The following ADGRV1 variants were observed in gnomAD, a reference collection of about 807,000 sequenced individuals.
ADGRV1 encodes the protein adhesion G protein-coupled receptor V1.
ADGRV1 carries 359 observed loss-of-function variants against 596.2 expected under a neutral mutation model. The observed-to-expected ratio is 0.60, with a 90% confidence interval of 0.55 to 0.66. The LOEUF (loss-of-function observed/expected upper bound fraction) is 0.66, where lower values mean the gene tolerates loss of function less well. Among genes scored for constraint, ADGRV1 ranks in the 30% least tolerant of loss-of-function variants. ADGRV1 has a pLI of 0.00. For missense variants in ADGRV1, 7,274 were observed against 7,575.6 expected (o/e 0.96, Z 1.48); for synonymous variants, 2,681 against 2,679.2 (o/e 1.00, Z -0.02).
chr5:90,902,996 G>A (rs1771989840), intron 83 of ADGRV1, among the ~76,000 whole-genome samples: 1 of 152,076 alleles, frequency 6.6e-6, no homozygotes. Context: ...GACATCTTAT[G>A]GTAGTAATCT....
Position 90,684,016 on chromosome 5 carries a change from C to T in ADGRV1, c.6095C>T (p.Ala2032Val), listed in dbSNP as rs142013761. 5.4e-4 allele frequency: 874 copies of T among 1,613,824 alleles called. 3 individuals carry two copies. In the African/African-American group the frequency reaches 9.9e-3, roughly 18 times the overall value. Residue 2032 changes from alanine (A) to valine (V), a missense_variant, in exon 28 of 90, where the codon GCG (alanine) becomes GTG (valine). Ala to Val is a moderately conservative substitution (Grantham distance 64). This residue lies in a region of ADGRV1 where 3,643 missense variants were observed against 3,809.2 expected (regional missense o/e 0.96). Coordinates refer to ENST00000405460, the MANE Select transcript of ADGRV1 (RefSeq NM_032119.4). ...EKPPYFPPNL[A>V]RATQGRDYIP... ...CCACCTTATTTTCCACCTAATTTAG[C>T]GAGAGCAACTCAAGGAAGAGACTAT... is the stretch of plus-strand genomic sequence containing the variant.
intron 83 of ADGRV1, among the ~76,000 whole-genome samples, chr5:90,962,051 T>C (rs1778081650): frequency 6.6e-6 from 1 of 152,308 alleles, no homozygotes; most frequent in African/African-American, 2.4e-5. Flanking sequence ...AGAATGCTGC[T>C]CCTGCAAATC....
intron 85 of ADGRV1, among the ~76,000 whole-genome samples, chr5:91,036,588 T>G (rs1784935833): frequency 6.7e-6 from 1 of 148,588 alleles, no homozygotes; most frequent in African/African-American, 2.5e-5. Flanking sequence ...CGGCCAGGCC[T>G]GCGGGTGAGC....
intron 87 of ADGRV1, 46 bp from the exon 88 acceptor site, chr5:91,149,984 G>A (rs1289779229): frequency 4.1e-6 from 6 of 1,449,298 alleles, no homozygotes; most frequent in Admixed American, 2.3e-5. Flanking sequence ...ACATGCTGAT[G>A]TTCTTTTTCT....
chr5:91,044,829 C>T (rs1279567482), intron 85 of ADGRV1, among the ~76,000 whole-genome samples: 1 of 152,092 alleles, frequency 6.6e-6, no homozygotes, highest in East Asian at 1.9e-4. Flanking sequence ...TACAAAAATG[C>T]ATAAAGTTCT....
At position 90,707,985 on chromosome 5, in the gene ADGRV1, A is replaced by G. The variant is rs113284328; in HGVS notation, c.8731-831A>G. On this transcript the variant is annotated intron_variant, in intron 38 of 89. Coordinates refer to ENST00000405460, the MANE Select transcript of ADGRV1 (RefSeq NM_032119.4). ...CCTTGTAACTCATGTTGGTCCATAT[A>G]TTACATAAGACAATCTAGAGACCAT... Among the ~76,000 whole-genome samples, 26 of 152,250 alleles carry G rather than the reference A, an allele frequency of 1.7e-4. 1 individual carries two copies. Among genetic ancestry groups the G allele is most frequent in the African/African-American group, 5.8e-4 (24 of 41,550 alleles).
chr5:91,119,087 A>C (rs1793089219), intron 87 of ADGRV1, among the ~76,000 whole-genome samples: 1 of 152,214 alleles, frequency 6.6e-6, no homozygotes, highest in Non-Finnish European at 1.5e-5. Flanking sequence ...CCTTTAGCAT[A>C]CAAGGACTCA....
chr5:91,063,509 A>G lies in ADGRV1; in HGVS notation c.18153-8938A>G, dbSNP rs1360404295. ...ATCGTTTAAATTGTCAAATCCTAGA[A>G]CATGAAGCATTCCTACGCATGATGT... On this transcript the variant is annotated intron_variant, in intron 85 of 89. Coordinates refer to ENST00000405460, the MANE Select transcript of ADGRV1 (RefSeq NM_032119.4). Among the ~76,000 whole-genome samples, 3 of 152,190 alleles carry G rather than the reference A, an allele frequency of 2.0e-5. No homozygotes were observed. The East Asian group carries it at 5.8e-4, about 29-fold the overall frequency.
intron 1 of ADGRV1, among the ~76,000 whole-genome samples, chr5:90,595,817 G>T (rs1760403646): frequency 6.8e-6 from 1 of 147,504 alleles, no homozygotes; most frequent in Non-Finnish European, 1.5e-5. Flanking sequence ...TCCCGGACGG[G>T]GCAGCTGGCC....
In ADGRV1 at chr5:90,685,771, G is replaced by T. The variant is rs1206365367; in HGVS notation, c.6275-9G>T. On this transcript the variant is annotated splice_polypyrimidine_tract_variant and intron_variant, in intron 28 of 89. Coordinates refer to ENST00000405460, the MANE Select transcript of ADGRV1 (RefSeq NM_032119.4). ...TTTCTGTGTTCTGTGTGGATCTTCTGTCTTTCAGTTCCAAATTCTCCACGT... is the reference window on the plus strand; with the variant it reads ...TTTCTGTGTTCTGTGTGGATCTTCTTTCTTTCAGTTCCAAATTCTCCACGT... The T allele has an allele frequency of 9.4e-6, 15 of 1,596,674 alleles. No homozygotes were observed. Among genetic ancestry groups the T allele is most frequent in the Non-Finnish European group, 1.3e-5 (15 of 1,172,824 alleles).
At chr5:90,794,895 C>G (rs11745546) in intron 70 of ADGRV1, among the ~76,000 whole-genome samples, 37,435 of 151,172 alleles carry the variant, frequency 0.25, 5,629 homozygotes, top group Non-Finnish European at 0.35. Context: ...AATTTTTGCC[C>G]CTACCCAAGG....
At chr5:90,930,742 A>T in intron 83 of ADGRV1, among the ~76,000 whole-genome samples, 1 of 152,182 alleles carries the variant, frequency 6.6e-6, no homozygotes, top group East Asian at 1.9e-4. Flanking sequence ...ACTACTGTAA[A>T]TAACTTACAT....
At chr5:90,973,678 G>A (rs374665371) in intron 84 of ADGRV1, among the ~76,000 whole-genome samples, 2 of 152,090 alleles carry the variant, frequency 1.3e-5, no homozygotes, top group Non-Finnish European at 2.9e-5. Context: ...CTCTCAATAA[G>A]TTAGGTATTG....
At chr5:90,738,594 G>C (rs1753553584) in intron 50 of ADGRV1, among the ~76,000 whole-genome samples, 1 of 152,020 alleles carries the variant, frequency 6.6e-6, no homozygotes. Context: ...CTTGGTAGAA[G>C]TTTTTTTCCC....
chr5:90,616,901 T>C (rs1763437652), intron 2 of ADGRV1, among the ~76,000 whole-genome samples: 2 of 152,190 alleles, frequency 1.3e-5, no homozygotes, highest in Admixed American at 1.3e-4. Context: ...CCTCTTCCCT[T>C]CTCAGCCTCT....
At chr5:90,951,980 AG>A (rs1777098601) in intron 83 of ADGRV1, among the ~76,000 whole-genome samples, 1 of 152,238 alleles carries the variant, frequency 6.6e-6, no homozygotes, top group Non-Finnish European at 1.5e-5. Flanking sequence ...ATACTGATAA[AG>A]CTCAGTTATT....
At chr5:90,665,293 C>G (rs1771133203) in intron 21 of ADGRV1, among the ~76,000 whole-genome samples, 3 of 152,010 alleles carry the variant, frequency 2.0e-5, no homozygotes, top group Admixed American at 1.3e-4. Flanking sequence ...ATTTCAGAAC[C>G]TGTTATTGGT....
chr5:90,625,063 C>T, intron 5 of ADGRV1, 67 bp from the exon 6 acceptor site: 1 of 923,890 alleles, frequency 1.1e-6, no homozygotes, highest in Non-Finnish European at 1.7e-6. Context: ...GCTGACATCA[C>T]AATGATGCTT....
chr5:90,669,825 T>C (rs185166362), intron 21 of ADGRV1, among the ~76,000 whole-genome samples: 371 of 152,306 alleles, frequency 2.4e-3, no homozygotes, highest in African/African-American at 8.4e-3. Context: ...TATAAGCAAA[T>C]GCAAGTTGAG....
Sources: gnomAD v4.1 joint callset for allele counts (sites outside exome capture counted in the v4.1 genomes callset) on GRCh38, gnomAD v4.1.1 for gene constraint, gnomAD v4.1.1 regional missense constraint, MANE v1.5 for transcripts, NCBI Gene and HGNC (gene_info 2026-07-23, HGNC 2026-07-21) for gene names.